Variants in ZC3H10 observed in about 807,000 individuals in gnomAD.
ZC3H10 encodes the protein zinc finger CCCH domain-containing protein 10.
In ZC3H10, 12 loss-of-function variants were observed where a neutral mutation model predicts 24.3. That is an observed-to-expected ratio of 0.49 (90% confidence interval 0.32 to 0.80). The LOEUF is 0.80. Among genes scored for constraint, ZC3H10 ranks in the 30% least tolerant of loss-of-function variants. The pLI, the probability that ZC3H10 is intolerant of heterozygous loss-of-function variation, is 0.04. For synonymous variants in ZC3H10, 226 were observed against 217.0 expected (o/e 1.04, Z -0.36); for missense variants, 360 against 576.3 (o/e 0.62, Z 3.84).
At position 56,121,801 on chromosome 12, in the gene ZC3H10, C is replaced by A; in HGVS notation, c.1239C>A (p.Thr413=). The stretch of plus-strand genomic sequence containing the variant: ...TGGCAGGAATCACAATGAGCCACAC[C>A]ACCACTCCCATGGTGACTTACCCTA... The part of the protein sequence containing the change: ...QPLAGITMSH[T]TTPMVTYPIA... The change falls in exon 3 of 3, where the codon ACC becomes ACA. Residue 413 remains threonine, a synonymous_variant. Transcript: ENST00000257940. This position sits in a 1 kb window ranked among gnomAD's most constrained non-coding sequence, Gnocchi z 6.2. 1.2e-6 allele frequency: 2 copies of A among 1,614,204 alleles called. No individual in the cohort carries two copies. The highest frequency in any genetic ancestry group is 8.5e-7 in the Non-Finnish European group (1 of 1,180,040).
At position 56,123,200 on chromosome 12, in the gene ZC3H10, AT is replaced by A. The variant is rs1464840556; in HGVS notation, c.*1336del. ...GGTGTCTAGTCTAATGGGACAGTAG[AT>A]TTGGGGGTAGAGAGTGATCCTGGAT... On this transcript the variant is annotated 3_prime_UTR_variant, in exon 3 of 3. Transcript: ENST00000257940. 8 of 151,962 alleles carry A rather than the reference AT, an allele frequency of 5.3e-5. No individual in the cohort carries two copies. Among genetic ancestry groups the A allele is most frequent in the Admixed American group, 4.6e-4 (7 of 15,246 alleles). 9.4% of individuals were successfully genotyped at this position (151,962 alleles called of 1,614,324 possible).
Position 56,120,605 on chromosome 12 carries a change from GGTGGA to G in ZC3H10, c.45_49del (p.Gly16ProfsTer26). On this transcript the variant is annotated frameshift_variant, in exon 3 of 3. Transcript: ENST00000257940. LOFTEE classifies it high-confidence loss of function. ...CTATGCCAACGGTACCGGGAGCAGC[GGTGGA>G]GGCCCTGGAGGTGGTGGCAGCGAGG... The G allele has an allele frequency of 1.3e-6, 2 of 1,585,252 alleles. No individual in the cohort carries two copies. Among genetic ancestry groups the G allele is most frequent in the Non-Finnish European group, 1.7e-6 (2 of 1,164,736 alleles).
intron 1 of ZC3H10, 39 bp downstream of exon 1, chr12:56,118,357 G>A (rs1478660416): frequency 1.3e-5 from 2 of 153,564 alleles, no homozygotes; most frequent in Admixed American, 6.5e-5. Flanking sequence ...GCCGCGCCCG[G>A]AGGGGAGGAG....
In ZC3H10 at chr12:56,121,137, T is replaced by A. The variant is rs777409875; in HGVS notation, c.575T>A (p.Ile192Asn). Reference protein sequence around the residue: ...LPGRRHDLYDIYDLPDRGFED... With the variant: ...LPGRRHDLYDNYDLPDRGFED... ...GGACGACGTCATGATCTCTATGATA[T>A]CTATGACCTTCCTGACAGGGGCTTT... The change falls in exon 3 of 3, where the codon ATC becomes AAC. Residue 192 changes from isoleucine (I) to asparagine (N), a missense_variant. Coordinates refer to ENST00000257940, the MANE Select transcript of ZC3H10 (RefSeq NM_032786.3). The surrounding 1 kb of genome is among the most constrained non-coding windows in gnomAD (Gnocchi z 6.2). 1 of 1,614,196 alleles carries A rather than the reference T, an allele frequency of 6.2e-7. No individual in the cohort carries two copies. Among genetic ancestry groups the A allele is most frequent in the Non-Finnish European group, 8.5e-7 (1 of 1,180,032 alleles).
rs766036362 is a variant in ZC3H10 at position 56,121,618 on chromosome 12, A to G, written c.1056A>G (p.Pro352=). 13 of 1,584,856 alleles carry G rather than the reference A, an allele frequency of 8.2e-6. No individual in the cohort carries two copies. The highest frequency in any genetic ancestry group is 1.1e-5 in the Non-Finnish European group (13 of 1,165,496). Residue 352 remains proline (P), a synonymous_variant, in exon 3 of 3, where the codon CCA becomes CCG. Transcript: ENST00000257940. This position sits in a 1 kb window ranked among gnomAD's most constrained non-coding sequence, Gnocchi z 6.2. ...ATGCTGCACCTCCTGCTGCTCCACC[A>G]CCCCCACCCCCACACTTGACCCCAG... The part of the protein sequence containing the change: ...PTNAAPPAAP[P]PPPPHLTPEI...
Position 56,125,741 on chromosome 12 carries a change from C to T in ZC3H10, c.*3874C>T, listed in dbSNP as rs1198990807. The T allele has an allele frequency of 2.0e-5, 3 of 151,540 alleles. No homozygotes were observed. The highest frequency in any genetic ancestry group is 7.3e-5 in the African/African-American group (3 of 41,132). The allele number at this position is 151,540 out of a possible 1,614,324, so 9.4% of individuals were successfully genotyped here. ...TCACTCCAGACGACAAAAGAAAGTT[C>T]TAATGATATAGCCATCCAACAAAGC... On this transcript the variant is annotated 3_prime_UTR_variant, in exon 3 of 3. Transcript: ENST00000257940.
rs1390497127 is a variant in ZC3H10 at position 56,127,166 on chromosome 12, C to CT, written c.*5300dup. 6.6e-6 allele frequency: 1 copy of CT among 152,234 alleles called. No homozygotes were observed. 9.4% of individuals were successfully genotyped at this position (152,234 alleles called of 1,614,324 possible). ...TAGATCCTAGGACAACACTCCACCT[C>CT]TAACGCCAGTTAACTAGTAACAATA... On this transcript the variant is annotated 3_prime_UTR_variant, in exon 3 of 3. Coordinates refer to ENST00000257940, the MANE Select transcript of ZC3H10 (RefSeq NM_032786.3).
rs781493573 is a variant in ZC3H10 at position 56,121,508 on chromosome 12, C to A, written c.946C>A (p.Leu316Ile). Residue 316 changes from leucine to isoleucine, a missense_variant, in exon 3 of 3, where the codon CTC (leucine) becomes ATC (isoleucine). Physicochemically the swap from Leu to Ile is conservative, Grantham distance 5. This residue lies in a region of ZC3H10 where 133 missense variants were observed against 256.7 expected (regional missense o/e 0.52). Coordinates refer to ENST00000257940, the MANE Select transcript of ZC3H10 (RefSeq NM_032786.3). This position sits in a 1 kb window ranked among gnomAD's most constrained non-coding sequence, Gnocchi z 6.2. ...NHGIAQTHTT[L>I]SSQALQPRPV... The stretch of plus-strand genomic sequence containing the variant: ...TGGCATTGCCCAGACTCACACTACT[C>A]TCAGCAGCCAGGCTCTACAGCCTCG... 1 of 1,613,698 alleles carries A rather than the reference C, an allele frequency of 6.2e-7. No homozygotes were observed. The highest frequency in any genetic ancestry group is 1.7e-5 in the Admixed American group (1 of 59,990).
In ZC3H10 at chr12:56,120,898, C is replaced by G; in HGVS notation, c.336C>G (p.Pro112=). The change falls in exon 3 of 3, where the codon CCC becomes CCG. Residue 112 remains proline, a synonymous_variant. Transcript: ENST00000257940. ...GCTATAAGAAGACAGGAGAGCTTCC[C>G]CCACGGCTGAGGCAGAAAGTAGCAG... ...EDGYKKTGEL[P]PRLRQKVAAG... 1.2e-6 allele frequency: 2 copies of G among 1,614,170 alleles called. No homozygotes were observed. Among genetic ancestry groups the G allele is most frequent in the Non-Finnish European group, 8.5e-7 (1 of 1,180,028 alleles).
rs17118317 is a variant in ZC3H10, at chr12:56,126,591, T to C, written c.*4724T>C. 0.19 allele frequency: 28,785 copies of C among 152,038 alleles called. 3,728 individuals carry two copies. The highest frequency in any genetic ancestry group is 0.37 in the African/African-American group (15,370 of 41,384). The allele number at this position is 152,038 out of a possible 1,614,324, so 9.4% of individuals were successfully genotyped here. ...ATTCCCCCATTCTCAGGAACCTCCT[T>C]GCCTACTCCAGTGCTTGGCAAATTT... On this transcript the variant is annotated 3_prime_UTR_variant, in exon 3 of 3. Coordinates refer to ENST00000257940, the MANE Select transcript of ZC3H10 (RefSeq NM_032786.3).
chr12:56,118,285 C>A lies in ZC3H10; in HGVS notation c.-150C>A. ...CTCTTTGTCGAAGCTAGAGGACCGG[C>A]AGGCGGCAGCAGCAACTACGGCGGC... On this transcript the variant is annotated 5_prime_UTR_variant, in exon 1 of 3. Coordinates refer to ENST00000257940, the MANE Select transcript of ZC3H10 (RefSeq NM_032786.3). 6.5e-6 allele frequency: 1 copy of A among 153,520 alleles called. No homozygotes were observed. Among genetic ancestry groups the A allele is most frequent in the Non-Finnish European group, 1.5e-5 (1 of 68,490 alleles). The allele number at this position is 153,520 out of a possible 1,614,324, so 9.5% of individuals were successfully genotyped here. A position where few individuals can be genotyped will look rare whatever the true frequency, so the allele number is the denominator to read the frequency against.
Position 56,121,889 on chromosome 12 carries a change from T to G in ZC3H10, c.*22T>G, listed in dbSNP as rs777689981. 6 of 1,577,134 alleles carry G rather than the reference T, an allele frequency of 3.8e-6. No homozygotes were observed. Among genetic ancestry groups the G allele is most frequent in the Non-Finnish European group, 4.3e-6 (5 of 1,158,674 alleles). ...CTGATGGGGCTAATGGACACTCCCC[T>G]GGTATAGCCTCGCAGGGCTGGGGTC... On this transcript the variant is annotated 3_prime_UTR_variant, in exon 3 of 3. Transcript: ENST00000257940. This position sits in a 1 kb window ranked among gnomAD's most constrained non-coding sequence, Gnocchi z 6.2.
chr12:56,119,409 A>G (rs1449123635), intron 2 of ZC3H10: 3 of 152,170 alleles, frequency 2.0e-5, no homozygotes, highest in Non-Finnish European at 4.4e-5. Context: ...TGGTTAGTTC[A>G]TTTTAGGGAG....
At position 56,120,897 on chromosome 12, in the gene ZC3H10, C is replaced by T; in HGVS notation, c.335C>T (p.Pro112Leu). The T allele has an allele frequency of 6.2e-7, 1 of 1,614,148 alleles. No individual in the cohort carries two copies. Among genetic ancestry groups the T allele is most frequent in the Admixed American group, 1.7e-5 (1 of 60,016 alleles). The part of the protein sequence containing the change: ...EDGYKKTGEL[P>L]PRLRQKVAAG... ...GGCTATAAGAAGACAGGAGAGCTTCCCCCACGGCTGAGGCAGAAAGTAGCA... is the reference window on the plus strand; with the variant it reads ...GGCTATAAGAAGACAGGAGAGCTTCTCCCACGGCTGAGGCAGAAAGTAGCA... The change falls in exon 3 of 3, where the codon CCC (proline) becomes CTC (leucine). Residue 112 changes from proline to leucine, a missense_variant. This residue lies in a region of ZC3H10 where 126 missense variants were observed against 208.8 expected (regional missense o/e 0.60). Coordinates refer to ENST00000257940, the MANE Select transcript of ZC3H10 (RefSeq NM_032786.3).
rs777409875 is a variant in ZC3H10, at chr12:56,121,137, T to C, written c.575T>C (p.Ile192Thr). ...LPGRRHDLYD[I>T]YDLPDRGFED... is the part of the protein sequence containing the mutation. The stretch of plus-strand genomic sequence containing the variant: ...GGACGACGTCATGATCTCTATGATA[T>C]CTATGACCTTCCTGACAGGGGCTTT... The change falls in exon 3 of 3, where the codon ATC becomes ACC. Residue 192 changes from isoleucine to threonine, a missense_variant. Ile to Thr is a moderately conservative substitution (Grantham distance 89). Around this residue, in one of 3 missense-constraint regions of ZC3H10, gnomAD observed 101 missense variants for 110.8 expected, o/e 0.91. Coordinates refer to ENST00000257940, the MANE Select transcript of ZC3H10 (RefSeq NM_032786.3). This position sits in a 1 kb window ranked among gnomAD's most constrained non-coding sequence, Gnocchi z 6.2. 33 of 1,614,078 alleles carry C rather than the reference T, an allele frequency of 2.0e-5. No homozygotes were observed. Among genetic ancestry groups the C allele is most frequent in the Non-Finnish European group, 2.3e-5 (27 of 1,180,040 alleles).
chr12:56,127,061 A>G lies in ZC3H10; in HGVS notation c.*5194A>G, dbSNP rs1459361141. 3 of 152,188 alleles carry G rather than the reference A, an allele frequency of 2.0e-5. No individual in the cohort carries two copies. Among genetic ancestry groups the G allele is most frequent in the Non-Finnish European group, 4.4e-5 (3 of 68,032 alleles). The allele number at this position is 152,188 out of a possible 1,614,324, so 9.4% of individuals were successfully genotyped here. On this transcript the variant is annotated 3_prime_UTR_variant, in exon 3 of 3. Coordinates refer to ENST00000257940, the MANE Select transcript of ZC3H10 (RefSeq NM_032786.3). The stretch of plus-strand genomic sequence containing the variant: ...GCTGCATCTGACAGATTTACATAAT[A>G]TGCCCCATATATACTGCATTAAAAG...
Position 56,120,957 on chromosome 12 carries a change from A to G in ZC3H10, c.395A>G (p.Asn132Ser). The G allele has an allele frequency of 6.2e-7, 1 of 1,614,138 alleles. No individual in the cohort carries two copies. The highest frequency in any genetic ancestry group is 2.2e-5 in the East Asian group (1 of 44,876). Residue 132 changes from asparagine to serine, a missense_variant, in exon 3 of 3, where the codon AAT becomes AGT. Asn to Ser is a conservative substitution (Grantham distance 46). Around this residue, in one of 3 missense-constraint regions of ZC3H10, gnomAD observed 126 missense variants for 208.8 expected, o/e 0.60. Coordinates refer to ENST00000257940, the MANE Select transcript of ZC3H10 (RefSeq NM_032786.3). Reference sequence around the variant, plus strand: ...GGCCTTTCACCGGCTGACCTACCAAATGGCAAGGAGGAGGTCCCTATCTGC... The same window carrying G: ...GGCCTTTCACCGGCTGACCTACCAAGTGGCAAGGAGGAGGTCCCTATCTGC... Reference protein sequence around the residue: ...GLGLSPADLPNGKEEVPICRD... With the variant: ...GLGLSPADLPSGKEEVPICRD...
rs1010245916 is a variant in ZC3H10, at chr12:56,125,452, A to G, written c.*3585A>G. On this transcript the variant is annotated 3_prime_UTR_variant, in exon 3 of 3. Transcript: ENST00000257940. ...CACCGTGTTAGCCAGGACGGTCTCC[A>G]TATCCTGACCTCGTGATCCGCCCAC... 19 of 152,256 alleles carry G rather than the reference A, an allele frequency of 1.2e-4. 1 individual carries two copies. In the East Asian group the frequency reaches 3.5e-3, roughly 28 times the overall value. The allele number at this position is 152,256 out of a possible 1,614,324, so 9.4% of individuals were successfully genotyped here. A position where few individuals can be genotyped will look rare whatever the true frequency, so the allele number is the denominator to read the frequency against.
rs367758019 is a variant in ZC3H10 at position 56,122,178 on chromosome 12, G to A, written c.*311G>A. 46 of 383,932 alleles carry A rather than the reference G, an allele frequency of 1.2e-4. No individual in the cohort carries two copies. Among genetic ancestry groups the A allele is most frequent in the South Asian group, 3.3e-4 (6 of 17,924 alleles). 23.8% of individuals were successfully genotyped at this position (383,932 alleles called of 1,614,324 possible). A position where few individuals can be genotyped will look rare whatever the true frequency, so the allele number is the denominator to read the frequency against. ...TTATGGGAATTTGGGAACATCCCTC[G>A]TCTTGTCCTCTCTTCTGCACAGCAC... On this transcript the variant is annotated 3_prime_UTR_variant, in exon 3 of 3. Transcript: ENST00000257940.
Sources: allele counts gnomAD v4.1 joint callset, GRCh38; gene constraint gnomAD v4.1.1; regional missense constraint gnomAD v4.1.1; non-coding constraint Gnocchi (gnomAD v3.1); transcripts MANE v1.5; gene names NCBI Gene and HGNC (gene_info 2026-07-23, HGNC 2026-07-21).